Variants in HDLBP observed in about 807,000 individuals in gnomAD.
The protein encoded by HDLBP is vigilin.
A neutral mutation model predicts 137.3 loss-of-function variants in HDLBP; 30 were observed. That is an observed-to-expected ratio of 0.22 (90% CI 0.16 to 0.30). The LOEUF is 0.30. Among genes scored for constraint, HDLBP ranks in the 10% least tolerant of loss-of-function variants. The pLI, the probability that HDLBP is intolerant of heterozygous loss-of-function variation, is 1.00. For missense variants in HDLBP, 1,119 were observed against 1,667.3 expected (o/e 0.67, Z 5.73); for synonymous variants, 606 against 596.0 (o/e 1.02, Z -0.24).
At chr2:241,267,841 G>A in intron 2 of HDLBP, 1 of 1,437,620 alleles carries the variant, frequency 7.0e-7, no homozygotes, top group African/African-American at 1.4e-5. Context: ...AACTCGCACA[G>A]CAGGGGAAAC....
Position 241,230,298 on chromosome 2 carries a change from G to A in HDLBP, c.3475-29C>T, listed in dbSNP as rs1341163374. On this transcript the variant is annotated intron_variant, in intron 25 of 27. Transcript: ENST00000310931. This position sits in a 1 kb window ranked among gnomAD's most constrained non-coding sequence, Gnocchi z 5.0. ...GAAGGGGTGTACAACGTCAGATGAG[G>A]GGACTCCAAGCGAGGAAAAGGGTTA... 7.4e-7 allele frequency: 1 copy of A among 1,342,612 alleles called. No homozygotes were observed. Among genetic ancestry groups the A allele is most frequent in the Non-Finnish European group, 1.0e-6 (1 of 963,114 alleles). The allele number at this position is 1,342,612 out of a possible 1,614,324, so 83.2% of individuals were successfully genotyped here.
chr2:241,269,686 T>G (rs2073918315), intron 1 of HDLBP: 1 of 152,040 alleles, frequency 6.6e-6, no homozygotes, highest in African/African-American at 2.4e-5. Context: ...TCACCAAAAT[T>G]CTAGTTTGCA....
intron 16 of HDLBP, among the ~76,000 whole-genome samples, chr2:241,245,183 TTTTC>T (rs1349453548): frequency 3.3e-5 from 5 of 150,300 alleles, no homozygotes; most frequent in Admixed American, 7.1e-5. Flanking sequence ...TCATAATCTT[TTTTC>T]TTTTTTTTTT....
At chr2:241,232,527 C>T (rs2069895518) in intron 24 of HDLBP, among the ~76,000 whole-genome samples, 2 of 152,306 alleles carry the variant, frequency 1.3e-5, no homozygotes, top group Admixed American at 6.5e-5. Context: ...CCACCCGCCT[C>T]GGCCTCCAAA....
chr2:241,285,391 G>C (rs1488927285), intron 1 of HDLBP, among the ~76,000 whole-genome samples: 2 of 152,106 alleles, frequency 1.3e-5, no homozygotes, highest in Non-Finnish European at 2.9e-5. Context: ...CATTTGCATT[G>C]GTTCAGTCCG....
chr2:241,253,582 C>T (rs2072375763), intron 9 of HDLBP, 85 bp from the exon 10 acceptor site: 11 of 903,328 alleles, frequency 1.2e-5, no homozygotes, highest in East Asian at 1.2e-4. Context: ...CTCTTCGGAG[C>T]GGCTTCTGAT....
intron 1 of HDLBP, among the ~76,000 whole-genome samples, chr2:241,277,588 G>A (rs2074436158): frequency 6.6e-6 from 1 of 152,184 alleles, no homozygotes; most frequent in Non-Finnish European, 1.5e-5. Flanking sequence ...GCAAATTCTA[G>A]AAAAATAAGT....
At chr2:241,286,754 CCT>C (rs1028713322) in intron 1 of HDLBP, among the ~76,000 whole-genome samples, 1 of 151,792 alleles carries the variant, frequency 6.6e-6, no homozygotes, top group Non-Finnish European at 1.5e-5. Flanking sequence ...ATGGTGAAAC[CCT>C]GTCTCTACCA....
chr2:241,246,726 C>T lies in HDLBP; in HGVS notation c.1950+26G>A, dbSNP rs765985559. ...GCTGTTAGAGATTTTACTGGAGGATCTCCATTAGAAAACATCTCCCATTAC... is the reference window on the plus strand; with the variant it reads ...GCTGTTAGAGATTTTACTGGAGGATTTCCATTAGAAAACATCTCCCATTAC... On this transcript the variant is annotated intron_variant, in intron 16 of 27. Coordinates refer to ENST00000310931, the MANE Select transcript of HDLBP (RefSeq NM_005336.6). 1.1e-5 allele frequency: 17 copies of T among 1,606,852 alleles called. No homozygotes were observed. The South Asian group carries it at 1.9e-4, about 18-fold the overall frequency.
Position 241,235,414 on chromosome 2 carries a change from G to A in HDLBP, c.3009+76C>T, listed in dbSNP as rs1027009440. 9 of 1,463,406 alleles carry A rather than the reference G, an allele frequency of 6.2e-6. No individual in the cohort carries two copies. The African/African-American group carries it at 7.0e-5, about 11-fold the overall frequency. 90.7% of individuals were successfully genotyped at this position (1,463,406 alleles called of 1,614,324 possible). ...GAGGAGGCAGAGTCAACAGGAAGTT[G>A]AGAAAGGACACTGGCACTCGGGAGA... On this transcript the variant is annotated intron_variant, in intron 22 of 27. Transcript: ENST00000310931.
chr2:241,249,610 C>T (rs539594710), intron 12 of HDLBP, among the ~76,000 whole-genome samples: 21 of 152,390 alleles, frequency 1.4e-4, no homozygotes, highest in Admixed American at 1.2e-3. Context: ...CGCTGCCACA[C>T]AGTCTCTGTG....
intron 3 of HDLBP, 194 bp downstream of exon 3, chr2:241,266,600 T>G: frequency 1.8e-6 from 1 of 563,904 alleles, no homozygotes; most frequent in Non-Finnish European, 3.2e-6. Flanking sequence ...TGTACTTGAT[T>G]CATTTCCTCA....
chr2:241,265,792 AG>A (rs573816437), intron 3 of HDLBP, among the ~76,000 whole-genome samples: 41 of 152,334 alleles, frequency 2.7e-4, no homozygotes, highest in African/African-American at 9.6e-4. Context: ...CTGACAGGAC[AG>A]GTGGAAGCAT....
intron 20 of HDLBP, 114 bp from the exon 21 acceptor site, chr2:241,236,883 G>A: frequency 9.6e-7 from 1 of 1,045,946 alleles, no homozygotes; most frequent in Non-Finnish European, 1.4e-6. Context: ...TAAAAGGGAG[G>A]GAAAACCACT....
chr2:241,272,075 T>C lies in HDLBP; in HGVS notation c.-102-3534A>G. 1.9e-6 allele frequency: 1 copy of C among 538,868 alleles called. No individual in the cohort carries two copies. The highest frequency in any genetic ancestry group is 2.4e-6 in the Non-Finnish European group (1 of 421,590). The allele number at this position is 538,868 out of a possible 1,614,324, so 33.4% of individuals were successfully genotyped here. On this transcript the variant is annotated intron_variant, in intron 1 of 27. Coordinates refer to ENST00000310931, the MANE Select transcript of HDLBP (RefSeq NM_005336.6). This position sits in a 1 kb window ranked among gnomAD's most constrained non-coding sequence, Gnocchi z 5.6. ...CGCCTTTCATCCAAATTCGGTACTT[T>C]TCCGTAATGTATTTTTCATCCACGA...
chr2:241,296,580 G>C (rs748196108), intron 1 of HDLBP, among the ~76,000 whole-genome samples: 3 of 152,180 alleles, frequency 2.0e-5, no homozygotes, highest in South Asian at 2.1e-4. Context: ...GAAAACATCT[G>C]AATAGGTTAG....
In HDLBP at chr2:241,286,676, G is replaced by A. The variant is rs557710016; in HGVS notation, c.-102-18135C>T. ...CCTCCTGAGGCTGGGTCACGGGTGC[G>A]CGTCCTCACCCTTGGCAAAGTAAGC... On this transcript the variant is annotated intron_variant, in intron 1 of 27. Coordinates refer to ENST00000310931, the MANE Select transcript of HDLBP (RefSeq NM_005336.6). 1.1e-4 allele frequency among the ~76,000 whole-genome samples: 17 copies of A among 152,306 alleles called. No homozygotes were observed. In the South Asian group the frequency reaches 1.7e-3, roughly 15 times the overall value.
chr2:241,245,276 C>T (rs545332182), intron 16 of HDLBP, among the ~76,000 whole-genome samples: 1 of 152,054 alleles, frequency 6.6e-6, no homozygotes, highest in African/African-American at 2.4e-5. Flanking sequence ...CTCCACCTCC[C>T]AGGCTCAAGC....
At chr2:241,273,288 A>C in intron 1 of HDLBP, 1 of 944,752 alleles carries the variant, frequency 1.1e-6, no homozygotes, top group Non-Finnish European at 1.3e-6. Flanking sequence ...CTGCGTGCCT[A>C]TTCCTTATGT....
Sources: allele counts gnomAD v4.1 joint callset (sites outside exome capture counted in the v4.1 genomes callset), GRCh38; gene constraint gnomAD v4.1.1; non-coding constraint Gnocchi (gnomAD v3.1); transcripts MANE v1.5; gene names NCBI Gene and HGNC (gene_info 2026-07-23, HGNC 2026-07-21).